Variants in PCM1 observed in about 807,000 individuals in gnomAD.
The protein encoded by PCM1 is pericentriolar material 1, also known as pericentriolar material 1 protein.
A neutral mutation model predicts 241.9 loss-of-function variants in PCM1; 157 were observed. The observed-to-expected ratio is 0.65, with a 90% CI of 0.57 to 0.74. The LOEUF is 0.74. PCM1 is among the 30% of genes least tolerant of loss of function. The pLI is 0.00. For synonymous variants in PCM1, 1,085 were observed against 784.9 expected (o/e 1.38, Z -6.39); for missense variants, 3,478 against 2,360.1 (o/e 1.47, Z -9.81).
At chr8:17,993,647 A>C (rs1364033194) in intron 29 of PCM1, 28 bp downstream of exon 29, 1 of 1,543,812 alleles carries the variant, frequency 6.5e-7, no homozygotes, top group Non-Finnish European at 8.8e-7. Context: ...AAAATAAACG[A>C]AACCTTCTAT....
intron 28 of PCM1, among the ~76,000 whole-genome samples, 180 bp downstream of exon 28, chr8:17,991,880 A>T (rs972819739): frequency 1.3e-5 from 2 of 152,078 alleles, no homozygotes; most frequent in Non-Finnish European, 1.5e-5. Context: ...TGAAACCCCA[A>T]AGTCCACTGT....
In PCM1 at chr8:17,960,341, A is replaced by G. The variant is rs2071116440; in HGVS notation, c.2219A>G (p.Gln740Arg). The G allele has an allele frequency of 6.3e-7, 1 of 1,595,676 alleles. No homozygotes were observed. Among genetic ancestry groups the G allele is most frequent in the Admixed American group, 1.8e-5 (1 of 54,232 alleles). The stretch of plus-strand genomic sequence containing the variant: ...GAGAAATTTTATGAGGCTAAACTAC[A>G]GCAGCAACAGAGAGAGCTAAAACAA... The part of the protein sequence containing the change: ...AREKFYEAKL[Q>R]QQQRELKQLQ... The change falls in exon 15 of 39, where the codon CAG becomes CGG. Residue 740 changes from glutamine (Q) to arginine (R), a missense_variant. By Grantham distance (43) the Gln-to-Arg change is conservative. Coordinates refer to ENST00000325083, the MANE Select transcript of PCM1 (RefSeq NM_006197.4).
intron 2 of PCM1, among the ~76,000 whole-genome samples, chr8:17,931,679 C>G (rs2059082987): frequency 6.6e-6 from 1 of 152,174 alleles, no homozygotes; most frequent in African/African-American, 2.4e-5. Flanking sequence ...ATTTTCCCTT[C>G]CAATTTACGT....
chr8:17,966,485 C>T lies in PCM1; in HGVS notation c.3221+12C>T, dbSNP rs762870486. 4 of 1,612,250 alleles carry T rather than the reference C, an allele frequency of 2.5e-6. No homozygotes were observed. The highest frequency in any genetic ancestry group is 3.4e-6 in the Non-Finnish European group (4 of 1,178,788). On this transcript the variant is annotated intron_variant, in intron 20 of 38. Coordinates refer to ENST00000325083, the MANE Select transcript of PCM1 (RefSeq NM_006197.4). ...AATAATGTTCAGAGGTAATCTGTTTCTTAGAAGTATTGAGACTGTATAAGA... is the reference window on the plus strand; with the variant it reads ...AATAATGTTCAGAGGTAATCTGTTTTTTAGAAGTATTGAGACTGTATAAGA...
At chr8:17,964,543 C>A (rs776291572) in intron 17 of PCM1, 25 bp from the exon 18 acceptor site, 1 of 1,571,404 alleles carries the variant, frequency 6.4e-7, no homozygotes, top group South Asian at 1.1e-5. Flanking sequence ...AGAATGACAT[C>A]TGTTTTATGT....
chr8:18,000,211 G>T (rs2088783057), intron 29 of PCM1, among the ~76,000 whole-genome samples: 1 of 152,126 alleles, frequency 6.6e-6, no homozygotes, highest in Non-Finnish European at 1.5e-5. Context: ...CGTGTTGAAG[G>T]AACTAGAGGG....
At chr8:17,945,291 T>C (rs1321061127) in intron 6 of PCM1, among the ~76,000 whole-genome samples, 1 of 152,150 alleles carries the variant, frequency 6.6e-6, no homozygotes, top group Non-Finnish European at 1.5e-5. Flanking sequence ...ACTCCCCTTA[T>C]ATAGGATAGG....
chr8:17,939,586 C>T (rs761294788), intron 5 of PCM1, 105 bp from the exon 6 acceptor site: 20 of 547,548 alleles, frequency 3.7e-5, no homozygotes, highest in Non-Finnish European at 5.1e-5. Flanking sequence ...CTTTGGTTAT[C>T]TTCGAAATAA....
chr8:17,972,662 G>A lies in PCM1; in HGVS notation c.3918G>A (p.Gln1306=). 1 of 1,563,388 alleles carries A rather than the reference G, an allele frequency of 6.4e-7. No homozygotes were observed. The highest frequency in any genetic ancestry group is 8.6e-7 in the Non-Finnish European group (1 of 1,158,108). The stretch of plus-strand genomic sequence containing the variant: ...AAAGTAAGAAGAGGAATTCTACTCA[G>A]CTGAAAAGCAGAGTTAAAAACATCA... The part of the protein sequence containing the change: ...KSKSKKRNST[Q]LKSRVKNIRY... Residue 1306 remains glutamine (Q), a synonymous_variant, in exon 23 of 39, where the codon CAG becomes CAA. Transcript: ENST00000325083.
At chr8:17,992,492 T>C (rs1395904155) in intron 28 of PCM1, among the ~76,000 whole-genome samples, 1 of 152,170 alleles carries the variant, frequency 6.6e-6, no homozygotes, top group Non-Finnish European at 1.5e-5. Context: ...GATTTGCATT[T>C]TCCTGATAAT....
At chr8:17,941,696 T>G (rs568586182) in intron 6 of PCM1, among the ~76,000 whole-genome samples, 1 of 152,266 alleles carries the variant, frequency 6.6e-6, no homozygotes, top group Non-Finnish European at 1.5e-5. Flanking sequence ...GAGGACAAAC[T>G]AGGGAATTCA....
At chr8:17,975,394 C>G (rs182772205) in intron 23 of PCM1, among the ~76,000 whole-genome samples, 8 of 152,234 alleles carry the variant, frequency 5.3e-5, no homozygotes, top group Admixed American at 5.2e-4. Flanking sequence ...AACTCCCGAT[C>G]TCAGGTGATC....
Position 17,959,533 on chromosome 8 carries a change from A to G in PCM1, c.2041-481A>G, listed in dbSNP as rs185695118. 2.6e-5 allele frequency among the ~76,000 whole-genome samples: 4 copies of G among 151,972 alleles called. No homozygotes were observed. In the East Asian group the frequency reaches 5.8e-4, roughly 22 times the overall value. On this transcript the variant is annotated intron_variant, in intron 13 of 38. Coordinates refer to ENST00000325083, the MANE Select transcript of PCM1 (RefSeq NM_006197.4). Reference sequence around the variant, plus strand: ...AAGGATTTGGAGAAGTGGAACTACTATGTCAGTTGGTGTACATTTTAAAGG... The same window carrying G: ...AAGGATTTGGAGAAGTGGAACTACTGTGTCAGTTGGTGTACATTTTAAAGG...
At chr8:17,961,379 C>T (rs946474805) in intron 15 of PCM1, among the ~76,000 whole-genome samples, 2 of 125,232 alleles carry the variant, frequency 1.6e-5, no homozygotes, top group African/African-American at 3.1e-5. Context: ...GGTGCAATCT[C>T]GGCTCACTGC....
At chr8:17,933,038 C>T (rs763527905) in intron 2 of PCM1, among the ~76,000 whole-genome samples, 3 of 151,980 alleles carry the variant, frequency 2.0e-5, no homozygotes, top group Non-Finnish European at 4.4e-5. Context: ...TGAAGAATAC[C>T]ACTTAAGGAA....
chr8:17,937,055 C>A, intron 3 of PCM1, 79 bp from the exon 4 acceptor site: 1 of 1,146,174 alleles, frequency 8.7e-7, no homozygotes, highest in Non-Finnish European at 1.2e-6. Context: ...TTAAAACTGA[C>A]CAAAACTTTT....
rs1277913694 is a variant in PCM1 at position 18,018,850 on chromosome 8, GTGTA to G, written c.5841+4012_5841+4015del. Among the ~76,000 whole-genome samples, 260 of 39,370 alleles carry G rather than the reference GTGTA, an allele frequency of 6.6e-3. 2 individuals are homozygous for G. Among genetic ancestry groups the G allele is most frequent in the African/African-American group, 0.021 (231 of 11,236 alleles). The allele number at this position is 39,370 out of a possible 152,430, so 25.8% of individuals were successfully genotyped here. ...TGTATATATATATATGTGTGTGTGT[GTGTA>G]TATATATATATATATATATATATAT... On this transcript the variant is annotated intron_variant, in intron 36 of 38. Coordinates refer to ENST00000325083, the MANE Select transcript of PCM1 (RefSeq NM_006197.4).
chr8:18,008,558 A>C (rs2091930992), intron 30 of PCM1, among the ~76,000 whole-genome samples: 1 of 152,102 alleles, frequency 6.6e-6, no homozygotes, highest in African/African-American at 2.4e-5. Context: ...CTGGTGCCAG[A>C]AAGGTTGGGG....
intron 36 of PCM1, among the ~76,000 whole-genome samples, chr8:18,015,266 C>G (rs948966992): frequency 7.3e-5 from 10 of 136,934 alleles, no homozygotes; most frequent in African/African-American, 2.4e-4. Flanking sequence ...AAAAAAAAAA[C>G]TAGGAAATCT....
Sources: allele counts gnomAD v4.1 joint callset (sites outside exome capture counted in the v4.1 genomes callset), GRCh38; gene constraint gnomAD v4.1.1; transcripts MANE v1.5; gene names NCBI Gene and HGNC (gene_info 2026-07-23, HGNC 2026-07-21).